Variants in DGKZ observed in about 807,000 individuals in gnomAD.
DGKZ encodes diacylglycerol kinase zeta.
Under a neutral mutation model 142.5 loss-of-function variants are expected in DGKZ, and 45 were observed. The ratio of observed to expected loss-of-function variants is 0.32; its 90% confidence interval spans 0.25 to 0.40. The LOEUF is 0.40. Among genes scored for constraint, DGKZ ranks in the 10% least tolerant of loss-of-function variants. DGKZ has a pLI of 1.00. For synonymous variants in DGKZ, 442 were observed against 527.0 expected (o/e 0.84, Z 2.21); for missense variants, 755 against 1,306.5 (o/e 0.58, Z 6.51).
chr11:46,378,726 C>G, intron 27 of DGKZ: 1 of 841,594 alleles, frequency 1.2e-6, no homozygotes, highest in Non-Finnish European at 1.9e-6. Flanking sequence ...CCACCTGTCC[C>G]TGGTGCTTAG....
At chr11:46,348,987 T>TGCCCC (rs1941029524) in intron 1 of DGKZ, among the ~76,000 whole-genome samples, 1 of 152,222 alleles carries the variant, frequency 6.6e-6, no homozygotes, top group African/African-American at 2.4e-5. Context: ...AGCTTTGCTC[T>TGCCCC]GCCCCTTCCC....
rs758692839 is a variant in DGKZ at position 46,367,807 on chromosome 11, C to G, written c.366+60C>G. 1 of 1,601,666 alleles carries G rather than the reference C, an allele frequency of 6.2e-7. No homozygotes were observed. Among genetic ancestry groups the G allele is most frequent in the South Asian group, 1.1e-5 (1 of 90,652 alleles). Reference sequence around the variant, plus strand: ...GTGGAGCCAGTAGCCGCAGCCCTTCCGGGAACGTGGGATTGAGCCCGCTCC... The same window carrying G: ...GTGGAGCCAGTAGCCGCAGCCCTTCGGGGAACGTGGGATTGAGCCCGCTCC... On this transcript the variant is annotated intron_variant, in intron 3 of 30. Coordinates refer to ENST00000527911, the Ensembl canonical transcript of DGKZ. The surrounding 1 kb of genome is among the most constrained non-coding windows in gnomAD (Gnocchi z 4.1).
chr11:46,366,704 C>T (rs746642514), intron 1 of DGKZ: 7 of 1,562,358 alleles, frequency 4.5e-6, no homozygotes, highest in South Asian at 1.2e-5. Flanking sequence ...TCGGGGCGCC[C>T]AGCCGCTGTT....
rs1043438589 is a variant in DGKZ at position 46,372,324 on chromosome 11, A to G, written c.928-104A>G. 30 of 1,385,150 alleles carry G rather than the reference A, an allele frequency of 2.2e-5. No homozygotes were observed. The highest frequency in any genetic ancestry group is 3.0e-5 in the Non-Finnish European group (30 of 988,138). The allele number at this position is 1,385,150 out of a possible 1,614,324, so 85.8% of individuals were successfully genotyped here. On this transcript the variant is annotated intron_variant, in intron 10 of 30. Transcript: ENST00000527911. This position sits in a 1 kb window ranked among gnomAD's most constrained non-coding sequence, Gnocchi z 5.9. ...AAATCCTGTCCTTTCTCCACCCCTC[A>G]CCCCTTATTGGCCCTGGTTCCCACA...
At chr11:46,345,180 C>A (rs927859382), upstream of DGKZ, 58 of 1,081,080 alleles carry the variant, frequency 5.4e-5, no homozygotes, top group Non-Finnish European at 6.9e-5. This position sits in a 1 kb window ranked among gnomAD's most constrained non-coding sequence, Gnocchi z 4.1. Context: ...CAGATTCCAG[C>A]CCAAGCAAGC....
intron 1 of DGKZ, among the ~76,000 whole-genome samples, chr11:46,334,697 G>C (rs147702703): frequency 2.5e-4 from 38 of 152,282 alleles, no homozygotes; most frequent in African/African-American, 8.7e-4. Context: ...AGAAATCGTG[G>C]GTACACCGGG....
In DGKZ at chr11:46,347,842, CAGGCACCG is replaced by C. The variant is rs1229114568; in HGVS notation, c.161+31_161+38del. The C allele has an allele frequency of 1.6e-6, 2 of 1,277,828 alleles. No individual in the cohort carries two copies. The highest frequency in any genetic ancestry group is 1.5e-5 in the African/African-American group (1 of 64,556). 79.2% of individuals were successfully genotyped at this position (1,277,828 alleles called of 1,614,324 possible). ...ACAGGTGAGCGGGGCGGCGGCGGGG[CAGGCACCG>C]AGGCACCGGCAGGTTACCGCTCCCT... is the stretch of plus-strand genomic sequence containing the variant. On this transcript the variant is annotated intron_variant, in intron 1 of 30. Transcript: ENST00000527911. This position sits in a 1 kb window ranked among gnomAD's most constrained non-coding sequence, Gnocchi z 6.4.
intron 25 of DGKZ, 21 bp from the exon 26 acceptor site, chr11:46,378,177 G>A (rs966100231): frequency 2.1e-5 from 34 of 1,607,416 alleles, no homozygotes; most frequent in Non-Finnish European, 2.8e-5. Flanking sequence ...GCCGGTCACA[G>A]CACATCATGC....
At chr11:46,365,252 C>A (rs149164822) in intron 1 of DGKZ, 546 of 985,406 alleles carry the variant, frequency 5.5e-4, no homozygotes, top group Middle Eastern at 1.0e-3. Context: ...ATGGGGGCTT[C>A]CAGCATCAGG....
intron 1 of DGKZ, among the ~76,000 whole-genome samples, chr11:46,363,763 C>T (rs892720842): frequency 1.3e-5 from 2 of 152,234 alleles, no homozygotes; most frequent in Non-Finnish European, 2.9e-5. Context: ...TGTCACAGGG[C>T]GGCCTGACCA....
intron 23 of DGKZ, 60 bp downstream of exon 23, chr11:46,376,457 A>T: frequency 6.2e-7 from 1 of 1,613,794 alleles, no homozygotes; most frequent in Non-Finnish European, 8.5e-7. Flanking sequence ...GATCCCAGGT[A>T]GGGGCAGCAG....
At chr11:46,352,182 G>A (rs925750098) in intron 1 of DGKZ, among the ~76,000 whole-genome samples, 5 of 152,198 alleles carry the variant, frequency 3.3e-5, no homozygotes, top group South Asian at 2.1e-4. Context: ...GTCTTAGGCC[G>A]CGCGGGCCCC....
exon 8 of DGKZ, chr11:46,371,541 C>T (rs1943947567): frequency 4.3e-6 from 7 of 1,610,886 alleles, no homozygotes; most frequent in Non-Finnish European, 5.9e-6. Context: ...GCCGTGCTCG[C>T]TGGGGGTCCA....
chr11:46,374,913 T>G (rs141642016), intron 18 of DGKZ, 21 bp from the exon 19 acceptor site: 3 of 1,576,356 alleles, frequency 1.9e-6, no homozygotes, highest in Non-Finnish European at 2.6e-6. Context: ...TTGAGGCCCA[T>G]GTCATCGCCC....
intron 1 of DGKZ, among the ~76,000 whole-genome samples, chr11:46,352,505 C>T (rs1941526563): frequency 6.6e-6 from 1 of 152,210 alleles, no homozygotes; most frequent in Non-Finnish European, 1.5e-5. Flanking sequence ...CCCCTGAGGC[C>T]CAGGCCCAGC....
At chr11:46,378,682 T>A in intron 27 of DGKZ, 182 bp downstream of exon 27, 1 of 924,706 alleles carries the variant, frequency 1.1e-6, no homozygotes, top group Non-Finnish European at 1.7e-6. Context: ...TAGGCCACAA[T>A]AGATGGCTCC....
At chr11:46,364,386 G>A (rs957930114) in intron 1 of DGKZ, 9 of 1,288,984 alleles carry the variant, frequency 7.0e-6, no homozygotes, top group African/African-American at 3.0e-5. Context: ...AATGTCAGCC[G>A]TGACACTGGT....
In DGKZ at chr11:46,365,807, C is replaced by T. The variant is rs536507366; in HGVS notation, c.162-1484C>T. ...TGGGAAGCCCTGCCCTGGGCCCCAC[C>T]GTCCATCCAGGCAGACCGACTCCCC... On this transcript the variant is annotated intron_variant, in intron 1 of 30. Coordinates refer to ENST00000527911, the Ensembl canonical transcript of DGKZ. The T allele has an allele frequency of 3.5e-3, 3,401 of 985,436 alleles. 5 individuals carry two copies. Among genetic ancestry groups the T allele is most frequent in the Non-Finnish European group, 3.9e-3 (3,226 of 829,926 alleles). 61.0% of individuals were successfully genotyped at this position (985,436 alleles called of 1,614,324 possible). A position where few individuals can be genotyped will look rare whatever the true frequency, so the allele number is the denominator to read the frequency against.
rs564639665 is a variant in DGKZ at position 46,334,707 on chromosome 11, G to A, written c.212+1220G>A. On this transcript the variant is annotated intron_variant, in intron 1 of 30. Coordinates refer to the DGKZ transcript ENST00000343674. The stretch of plus-strand genomic sequence containing the variant: ...ATACTAGAAATCGTGGGTACACCGG[G>A]CTCCATTACCAAGTTCTTCCAGAAC... 8.1e-4 allele frequency among the ~76,000 whole-genome samples: 123 copies of A among 152,282 alleles called. 2 individuals carry two copies. Among genetic ancestry groups the A allele is most frequent in the African/African-American group, 2.9e-3 (121 of 41,552 alleles).
Sources: allele counts gnomAD v4.1 joint callset (sites outside exome capture counted in the v4.1 genomes callset), GRCh38; gene constraint gnomAD v4.1.1; non-coding constraint Gnocchi (gnomAD v3.1); transcripts MANE v1.5; gene names NCBI Gene and HGNC (gene_info 2026-07-23, HGNC 2026-07-21).